TEK: variants seen among roughly 807,000 people sequenced by gnomAD.
TEK encodes the protein TEK receptor tyrosine kinase.
TEK carries 43 observed loss-of-function variants against 131.8 expected under a neutral mutation model. That is an observed-to-expected ratio of 0.33 (90% CI 0.26 to 0.42). The LOEUF is 0.42. Among genes scored for constraint, TEK ranks in the 10% least tolerant of loss-of-function variants. The probability of loss-of-function intolerance (pLI) is 1.00; values close to 1 mark genes in which losing one functional copy is unlikely to be tolerated. For missense variants in TEK, 1,162 were observed against 1,384.4 expected, an observed-to-expected ratio of 0.84 and a Z score of 2.55; for synonymous variants, 580 against 491.6, an observed-to-expected ratio of 1.18 and a Z score of -2.38.
chr9:27,154,517 T>C (rs539473993), intron 1 of TEK, among the ~76,000 whole-genome samples: 2 of 152,362 alleles, frequency 1.3e-5, no homozygotes, highest in East Asian at 1.9e-4. Context: ...CCTTTTACCA[T>C]TGTGCCCCAA....
intron 22 of TEK, among the ~76,000 whole-genome samples, 193 bp downstream of exon 22, chr9:27,228,498 C>T (rs1284483406): frequency 6.6e-6 from 1 of 152,098 alleles, no homozygotes; most frequent in Non-Finnish European, 1.5e-5. Flanking sequence ...GATTTCTATA[C>T]AAGATACAGT....
intron 7 of TEK, 136 bp from the exon 8 acceptor site, chr9:27,183,320 CTTA>C: frequency 1.1e-6 from 1 of 927,024 alleles, no homozygotes; most frequent in Non-Finnish European, 1.7e-6. Context: ...TCACAGGTGT[CTTA>C]TGTGATGACA....
intron 6 of TEK, among the ~76,000 whole-genome samples, chr9:27,175,320 T>C (rs1824123471): frequency 6.6e-6 from 1 of 150,924 alleles, no homozygotes; most frequent in Admixed American, 6.6e-5. Flanking sequence ...CATGAACTCA[T>C]CATTTTTTAT....
At chr9:27,156,194 ATC>A (rs1467151560) in intron 1 of TEK, among the ~76,000 whole-genome samples, 2 of 152,170 alleles carry the variant, frequency 1.3e-5, no homozygotes, top group Non-Finnish European at 2.9e-5. Context: ...AAATTTGCCC[ATC>A]CATCCATCCC....
At chr9:27,128,288 G>C (rs966890941) in intron 1 of TEK, among the ~76,000 whole-genome samples, 1 of 152,166 alleles carries the variant, frequency 6.6e-6, no homozygotes, top group Non-Finnish European at 1.5e-5. Flanking sequence ...GATGGTTGTA[G>C]ATGTGTGGTG....
chr9:27,120,544 A>G (rs572010398), intron 1 of TEK, among the ~76,000 whole-genome samples: 1 of 152,264 alleles, frequency 6.6e-6, no homozygotes, highest in South Asian at 2.1e-4. Context: ...CTCTACAAGG[A>G]TGCATTGTCA....
chr9:27,144,786 G>T (rs1822854767), intron 1 of TEK, among the ~76,000 whole-genome samples: 1 of 152,192 alleles, frequency 6.6e-6, no homozygotes, highest in Non-Finnish European at 1.5e-5. Context: ...CCAGTACTGA[G>T]CTAAGAATAT....
chr9:27,115,871 AG>A (rs1237854273), intron 1 of TEK, among the ~76,000 whole-genome samples: 2 of 152,218 alleles, frequency 1.3e-5, no homozygotes, highest in Non-Finnish European at 1.5e-5. Context: ...CAGATCAAGA[AG>A]GGCCTCACAG....
intron 1 of TEK, among the ~76,000 whole-genome samples, chr9:27,118,830 T>C (rs539286250): frequency 1.3e-4 from 20 of 152,162 alleles, no homozygotes. Flanking sequence ...CCAGTTAGAC[T>C]CTTTCCCTGG....
chr9:27,112,798 A>G (rs1327485316), intron 1 of TEK, among the ~76,000 whole-genome samples: 11 of 152,188 alleles, frequency 7.2e-5, no homozygotes, highest in Non-Finnish European at 1.6e-4. Flanking sequence ...AAAAGATACC[A>G]TTTCAAAATA....
chr9:27,121,916 T>A lies in TEK; in HGVS notation c.52+12274T>A, dbSNP rs538356702. 2.0e-5 allele frequency among the ~76,000 whole-genome samples: 3 copies of A among 152,300 alleles called. No individual in the cohort carries two copies. The South Asian group carries it at 6.2e-4, about 32-fold the overall frequency. ...TGTAATTAATGCTATCCTAGTGACA[T>A]AAACAAAGTGAAACAGAGTTTCACA... On this transcript the variant is annotated intron_variant, in intron 1 of 22. Coordinates refer to ENST00000380036, the MANE Select transcript of TEK (RefSeq NM_000459.5).
At chr9:27,228,432 AG>A in intron 22 of TEK, 127 bp downstream of exon 22, 2 of 753,268 alleles carry the variant, frequency 2.7e-6, no homozygotes, top group Non-Finnish European at 4.5e-6. Flanking sequence ...ATAGAAACAA[AG>A]GATGTCCCTC....
chr9:27,177,448 T>C (rs1261014718), intron 6 of TEK, among the ~76,000 whole-genome samples: 1 of 152,208 alleles, frequency 6.6e-6, no homozygotes, highest in East Asian at 1.9e-4. Flanking sequence ...GCCATTTGTA[T>C]GTCGTCTTTT....
chr9:27,211,191 A>ATATG (rs1554701100), intron 16 of TEK, among the ~76,000 whole-genome samples: 43,429 of 143,062 alleles, frequency 0.3, 7,604 homozygotes, highest in East Asian at 0.58. Context: ...ATATGAATAT[A>ATATG]TGTATATATA....
At chr9:27,220,686 G>A (rs1826028625) in intron 21 of TEK, among the ~76,000 whole-genome samples, 2 of 152,204 alleles carry the variant, frequency 1.3e-5, no homozygotes, top group South Asian at 4.1e-4. Context: ...AAGCGCAAGG[G>A]GTTGGGGAAC....
At chr9:27,217,796 C>G (rs576962805) in intron 19 of TEK, 38 bp downstream of exon 19, 44 of 1,557,330 alleles carry the variant, frequency 2.8e-5, no homozygotes, top group Non-Finnish European at 3.9e-5. Flanking sequence ...TTTTTTTTCC[C>G]TCCCAGAAAC....
In TEK at chr9:27,185,436, G is replaced by A. The variant is rs376099098; in HGVS notation, c.1183-49G>A. ...TGGGGTCAATGTTATGGACCTTTGC[G>A]TTTATGCCTCCCTAGAAGTTTTTAT... On this transcript the variant is annotated intron_variant, in intron 8 of 22. Transcript: ENST00000380036. 8.4e-5 allele frequency: 136 copies of A among 1,611,592 alleles called. No individual in the cohort carries two copies. In the South Asian group the frequency reaches 1.2e-3, roughly 14 times the overall value.
intron 1 of TEK, among the ~76,000 whole-genome samples, chr9:27,128,864 G>A (rs10812527): frequency 0.52 from 78,693 of 151,950 alleles, 20,486 homozygotes; most frequent in East Asian, 0.6. Flanking sequence ...TTATCAGCTT[G>A]AGGAGATTTT....
At chr9:27,139,487 G>C (rs62544598) in intron 1 of TEK, among the ~76,000 whole-genome samples, 19,468 of 151,080 alleles carry the variant, frequency 0.13, 1,507 homozygotes, top group Middle Eastern at 0.26. Context: ...ACCATGCCCA[G>C]CTAATTTTTG....
Sources: allele counts gnomAD v4.1 joint callset (sites outside exome capture counted in the v4.1 genomes callset), GRCh38; gene constraint gnomAD v4.1.1; transcripts MANE v1.5; gene names NCBI Gene and HGNC (gene_info 2026-07-23, HGNC 2026-07-21).